Variants in TENM3 observed in about 807,000 individuals in gnomAD.
TENM3 encodes the protein teneurin transmembrane protein 3.
Under a neutral mutation model 255.1 loss-of-function variants are expected in TENM3, and 63 were observed. That is an observed-to-expected ratio of 0.25 (90% CI 0.20 to 0.30). The LOEUF (loss-of-function observed/expected upper bound fraction) is 0.30. Ranked by LOEUF, TENM3 falls within the 10% of genes least tolerant of loss-of-function variation. TENM3 has a pLI of 1.00. For synonymous variants in TENM3, 1,306 were observed against 1,322.3 expected (o/e 0.99, Z 0.27); for missense variants, 2,929 against 3,461.1 (o/e 0.85, Z 3.86).
the TENM3 span, among the ~76,000 whole-genome samples, chr4:181,776,084 C>T: frequency 6.6e-6 from 1 of 152,106 alleles, no homozygotes; most frequent in Non-Finnish European, 1.5e-5. Flanking sequence ...CCCCAACACA[C>T]CTTTTTCCAC....
At chr4:182,730,726 C>G (rs1760626008) in intron 15 of TENM3, among the ~76,000 whole-genome samples, 152 bp from the exon 16 acceptor site, 1 of 152,088 alleles carries the variant, frequency 6.6e-6, no homozygotes, top group African/African-American at 2.4e-5. Context: ...TTGTATAACT[C>G]TTGGAATATT....
the TENM3 span, among the ~76,000 whole-genome samples, chr4:181,954,434 G>A: frequency 2.6e-5 from 4 of 152,278 alleles, no homozygotes; most frequent in East Asian, 1.9e-4. Flanking sequence ...CCAACACGTG[G>A]TATGGTTAGT....
the TENM3 span, among the ~76,000 whole-genome samples, chr4:181,586,581 C>T: frequency 2.0e-5 from 3 of 152,170 alleles, no homozygotes; most frequent in Non-Finnish European, 4.4e-5. Context: ...GTGGCTCACA[C>T]CTGTAATCCC....
the TENM3 span, among the ~76,000 whole-genome samples, chr4:181,697,089 T>G: frequency 6.6e-6 from 1 of 152,208 alleles, no homozygotes; most frequent in East Asian, 1.9e-4. Flanking sequence ...TGACCAACAA[T>G]TATCTGTCTG....
the TENM3 span, among the ~76,000 whole-genome samples, chr4:181,927,206 T>C: frequency 6.6e-6 from 1 of 152,152 alleles, no homozygotes; most frequent in African/African-American, 2.4e-5. Flanking sequence ...GGGAGCCAAG[T>C]GGTCTACCAT....
chr4:181,457,011 T>C, the TENM3 span, among the ~76,000 whole-genome samples: 1 of 151,810 alleles, frequency 6.6e-6, no homozygotes, highest in Non-Finnish European at 1.5e-5. Context: ...AGGGACAGCA[T>C]CAACCAGGAA....
chr4:181,832,443 C>T, the TENM3 span, among the ~76,000 whole-genome samples: 2 of 152,114 alleles, frequency 1.3e-5, no homozygotes, highest in Admixed American at 6.5e-5. Context: ...AATGGCAACA[C>T]GGGAGGAAGG....
At position 182,657,480 on chromosome 4, in the gene TENM3, G is replaced by A. The variant is rs562685974; in HGVS notation, c.1111+3587G>A. On this transcript the variant is annotated intron_variant, in intron 6 of 27. Transcript: ENST00000511685. ...CCCATATTCCAGGTTCATCTTTGCG[G>A]GGGTCCTCTTGATCCCATTCTCTCT... is the stretch of plus-strand genomic sequence containing the variant. Among the ~76,000 whole-genome samples, 14 of 152,142 alleles carry A rather than the reference G, an allele frequency of 9.2e-5. No individual in the cohort carries two copies. The South Asian group carries it at 2.5e-3, about 27-fold the overall frequency.
intron 6 of TENM3, among the ~76,000 whole-genome samples, chr4:182,665,644 C>A (rs1375922117): frequency 2.0e-5 from 3 of 152,046 alleles, no homozygotes; most frequent in African/African-American, 7.2e-5. Context: ...ACCTGTAATC[C>A]CAGCACATTG....
At chr4:181,811,623 G>A in the TENM3 span, among the ~76,000 whole-genome samples, 62 of 152,294 alleles carry the variant, frequency 4.1e-4, no homozygotes, top group Non-Finnish European at 3.8e-4. Context: ...CAATCATGGT[G>A]GAAGACAAAG....
At chr4:182,142,924 C>G (rs1749572709), upstream of TENM3, 1 of 167,032 alleles carries the variant, frequency 6.0e-6, no homozygotes, top group Admixed American at 6.5e-5. Context: ...GTCGCCCATT[C>G]GGAGCTACAA....
intron 3 of TENM3, among the ~76,000 whole-genome samples, chr4:182,422,179 TTATC>T (rs1770885859): frequency 6.6e-6 from 1 of 152,190 alleles, no homozygotes; most frequent in Non-Finnish European, 1.5e-5. Context: ...AGGTGCTTAT[TTATC>T]AACGGATAGC....
intron 3 of TENM3, among the ~76,000 whole-genome samples, chr4:182,465,156 GA>G (rs539058327): frequency 9.5e-4 from 144 of 152,260 alleles, no homozygotes; most frequent in African/African-American, 3.3e-3. Context: ...CTTTCTTAAG[GA>G]AAGAGTTTGA....
chr4:181,826,859 GA>G, the TENM3 span, among the ~76,000 whole-genome samples: 7 of 152,142 alleles, frequency 4.6e-5, no homozygotes, highest in Admixed American at 4.6e-4. Context: ...GCTCTAAAGG[GA>G]AGATAAAATT....
chr4:181,974,900 T>C, the TENM3 span, among the ~76,000 whole-genome samples: 12 of 152,142 alleles, frequency 7.9e-5, no homozygotes, highest in Non-Finnish European at 1.3e-4. Flanking sequence ...ATATTGAACA[T>C]TGTAACCGAT....
chr4:181,868,377 T>TA, the TENM3 span, among the ~76,000 whole-genome samples: 3 of 152,080 alleles, frequency 2.0e-5, no homozygotes, highest in African/African-American at 7.2e-5. Flanking sequence ...TTGAAGGCCT[T>TA]AAAAAAGACG....
the TENM3 span, among the ~76,000 whole-genome samples, chr4:181,851,394 G>C: frequency 6.6e-6 from 1 of 152,156 alleles, no homozygotes; most frequent in Non-Finnish European, 1.5e-5. Context: ...TCATGGGATA[G>C]ATGCTGCATC....
intron 11 of TENM3, among the ~76,000 whole-genome samples, chr4:182,685,507 C>T (rs577143358): frequency 5.4e-4 from 82 of 151,996 alleles, no homozygotes; most frequent in African/African-American, 9.9e-4. Flanking sequence ...TTGTTTTGTC[C>T]GCTATTCATA....
intron 3 of TENM3, among the ~76,000 whole-genome samples, chr4:182,363,166 G>A (rs1424203647): frequency 6.6e-6 from 1 of 152,094 alleles, no homozygotes; most frequent in African/African-American, 2.4e-5. Context: ...AGATTCTAAT[G>A]GAAAACAGTT....
Sources: gnomAD v4.1 joint callset for allele counts (sites outside exome capture counted in the v4.1 genomes callset) on GRCh38, gnomAD v4.1.1 for gene constraint, MANE v1.5 for transcripts, NCBI Gene and HGNC (gene_info 2026-07-23, HGNC 2026-07-21) for gene names.